RAD51D: variants seen among roughly 807,000 people sequenced by gnomAD.
RAD51D encodes DNA repair protein RAD51 homolog 4.
RAD51D carries 38 observed loss-of-function variants against 44.1 expected under a neutral mutation model. The observed-to-expected ratio is 0.86, with a 90% confidence interval of 0.67 to 1.13. RAD51D has a LOEUF of 1.13. RAD51D is among the 50% of genes most tolerant of loss of function. The pLI is 0.00. For missense variants in RAD51D, 390 were observed against 414.0 expected (o/e 0.94, Z 0.50); for synonymous variants, 141 against 166.6 (o/e 0.85, Z 1.18).
chr17:35,101,226 G>A lies in RAD51D; in HGVS notation c.878C>T (p.Ala293Val), dbSNP rs769732230. 3.0e-5 allele frequency: 49 copies of A among 1,614,014 alleles called. No individual in the cohort carries two copies. Among genetic ancestry groups the A allele is most frequent in the East Asian group, 6.7e-5 (3 of 44,874 alleles). The change falls in exon 9 of 10, where the codon GCG (alanine) becomes GTG (valine). Residue 293 changes from alanine to valine, a missense_variant. Ala to Val is a moderately conservative substitution (Grantham distance 64). Transcript: ENST00000345365. ...CTGTCGGGAAGATTTGGCCAGACAC[G>A]CCATGCGCCGGCCGCCTGATGCTCC... ...GAGASGGRRM[A>V]CLAKSSRQPT...
chr17:35,106,838 C>G, intron 5 of RAD51D, 150 bp downstream of exon 5: 1 of 1,183,502 alleles, frequency 8.4e-7, no homozygotes, highest in South Asian at 1.3e-5. Flanking sequence ...ATGGCATCAA[C>G]AGGGGTGGCT....
chr17:35,107,073 A>T lies in RAD51D; in HGVS notation c.395T>A (p.Val132Asp), dbSNP rs1555568342. Residue 132 changes from valine to aspartate, a missense_variant, in exon 5 of 10, where the codon GTC becomes GAC. Coordinates refer to ENST00000345365, the MANE Select transcript of RAD51D (RefSeq NM_002878.4). ...CCCTCCATTGGAATCTACATATAGG[A>T]CGTTTTGCTGCAGGCCATGGGCCAC... Reference protein sequence around the residue: ...ANVAHGLQQNVLYVDSNGGLT... With the variant: ...ANVAHGLQQNDLYVDSNGGLT... 1.9e-6 allele frequency: 3 copies of T among 1,614,028 alleles called. No individual in the cohort carries two copies. The highest frequency in any genetic ancestry group is 2.5e-6 in the Non-Finnish European group (3 of 1,179,998).
At position 35,103,360 on chromosome 17, in the gene RAD51D, G is replaced by A. The variant is rs762967921; in HGVS notation, c.668-36C>T. ...AGGAGAAGCAGAGAGGGAGGGCAGTGGGGAACCAGGGATGGGGCTGGCCAG... is the reference window on the plus strand; with the variant it reads ...AGGAGAAGCAGAGAGGGAGGGCAGTAGGGAACCAGGGATGGGGCTGGCCAG... On this transcript the variant is annotated intron_variant, in intron 7 of 9. Transcript: ENST00000345365. The surrounding 1 kb of genome is among the most constrained non-coding windows in gnomAD (Gnocchi z 4.1). The A allele has an allele frequency of 3.6e-5, 58 of 1,611,306 alleles. No homozygotes were observed. Among genetic ancestry groups the A allele is most frequent in the Middle Eastern group, 1.6e-4 (1 of 6,076 alleles).
At position 35,101,049 on chromosome 17, in the gene RAD51D, G is replaced by T. The variant is rs964696175; in HGVS notation, c.904-13C>A. On this transcript the variant is annotated splice_polypyrimidine_tract_variant and intron_variant, in intron 9 of 9. Transcript: ENST00000345365. ...GGAAACCTGTTGGCTGGAAGAAGAA[G>T]TAAGGAGTCAGTGGAGTTAAGCAAC... The T allele has an allele frequency of 4.3e-6, 7 of 1,611,774 alleles. No homozygotes were observed. The African/African-American group carries it at 8.0e-5, about 18-fold the overall frequency.
chr17:35,097,540 T>G lies in RAD51D; in HGVS notation c.*3413A>C, dbSNP rs1316722788. 1 of 151,428 alleles carries G rather than the reference T, an allele frequency of 6.6e-6. No homozygotes were observed. The highest frequency in any genetic ancestry group is 1.5e-5 in the Non-Finnish European group (1 of 67,886). The allele number at this position is 151,428 out of a possible 1,614,324, so 9.4% of individuals were successfully genotyped here. A position where few individuals can be genotyped will look rare whatever the true frequency, so the allele number is the denominator to read the frequency against. The stretch of plus-strand genomic sequence containing the variant: ...GTGTATATATATATATATATGTATA[T>G]GTATATGTATATTTTTTTCCTAAGA... On this transcript the variant is annotated 3_prime_UTR_variant, in exon 10 of 10. Coordinates refer to ENST00000345365, the MANE Select transcript of RAD51D (RefSeq NM_002878.4).
In RAD51D at chr17:35,103,037, G is replaced by T. The variant is rs1034341910; in HGVS notation, c.738+217C>A. Among the ~76,000 whole-genome samples, 10 of 152,016 alleles carry T rather than the reference G, an allele frequency of 6.6e-5. No individual in the cohort carries two copies. Among genetic ancestry groups the T allele is most frequent in the African/African-American group, 2.4e-4 (10 of 41,368 alleles). On this transcript the variant is annotated intron_variant, in intron 8 of 9. Coordinates refer to ENST00000345365, the MANE Select transcript of RAD51D (RefSeq NM_002878.4). The surrounding 1 kb of genome is among the most constrained non-coding windows in gnomAD (Gnocchi z 4.1). ...ATACCTCAATAAACCTGACTAAAAA[G>T]AAAAAATGTAGAAACAAAACAAAAC...
rs1188413831 is a variant in RAD51D at position 35,103,388 on chromosome 17, A to G, written c.668-64T>C. On this transcript the variant is annotated intron_variant, in intron 7 of 9. Coordinates refer to ENST00000345365, the MANE Select transcript of RAD51D (RefSeq NM_002878.4). The surrounding 1 kb of genome is among the most constrained non-coding windows in gnomAD (Gnocchi z 4.1). ...GAACCAGGGATGGGGCTGGCCAGAG[A>G]CCAGACTCCAGAGCTGGGAGGCGAG... 2 of 1,608,430 alleles carry G rather than the reference A, an allele frequency of 1.2e-6. No homozygotes were observed. Among genetic ancestry groups the G allele is most frequent in the African/African-American group, 2.7e-5 (2 of 74,724 alleles).
Position 35,099,552 on chromosome 17 carries a change from C to T in RAD51D, c.*1401G>A, listed in dbSNP as rs1230233841. ...AAGCAAGCGCTAGGATTCCCCCAGG[C>T]TTAGGCTTACCAACCCTGTCCTGAA... On this transcript the variant is annotated 3_prime_UTR_variant, in exon 10 of 10. Transcript: ENST00000345365. The T allele has an allele frequency of 6.5e-6, 2 of 308,554 alleles. No homozygotes were observed. The highest frequency in any genetic ancestry group is 1.5e-4 in the East Asian group (2 of 13,428). 19.1% of individuals were successfully genotyped at this position (308,554 alleles called of 1,614,324 possible). A position where few individuals can be genotyped will look rare whatever the true frequency, so the allele number is the denominator to read the frequency against.
At chr17:35,111,363 A>G (rs927288473) in intron 3 of RAD51D, among the ~76,000 whole-genome samples, 1 of 151,900 alleles carries the variant, frequency 6.6e-6, no homozygotes, top group African/African-American at 2.4e-5. Context: ...TCAAAAAAAA[A>G]AAAAAGAGAG....
chr17:35,111,559 C>T (rs2091677027), intron 3 of RAD51D, among the ~76,000 whole-genome samples: 1 of 150,298 alleles, frequency 6.7e-6, no homozygotes, highest in South Asian at 2.1e-4. Context: ...GAGCAAGACT[C>T]TGTCTCAAAA....
chr17:35,102,313 G>A (rs895630042), intron 8 of RAD51D, among the ~76,000 whole-genome samples: 3 of 151,862 alleles, frequency 2.0e-5, no homozygotes, highest in Admixed American at 1.3e-4. Flanking sequence ...CCTAGTTTTT[G>A]TATTTTTTGT....
chr17:35,099,887 A>G lies in RAD51D; in HGVS notation c.*1066T>C, dbSNP rs2091514358. On this transcript the variant is annotated 3_prime_UTR_variant, in exon 10 of 10. Transcript: ENST00000345365. The stretch of plus-strand genomic sequence containing the variant: ...CAGACGGATGGCCACAGTGCTGGTG[A>G]AAGACAGAGGGATTATTTCATACAC... 3.9e-6 allele frequency: 2 copies of G among 517,592 alleles called. No individual in the cohort carries two copies. Among genetic ancestry groups the G allele is most frequent in the African/African-American group, 3.8e-5 (2 of 52,904 alleles). 32.1% of individuals were successfully genotyped at this position (517,592 alleles called of 1,614,324 possible).
rs1208695895 is a variant in RAD51D at position 35,118,493 on chromosome 17, A to G, written c.263+8T>C. ...CTCTCTCCTTCTTCCCCAAGTACAC[A>G]CACAAACCTGCCAATGCCAGTGGAC... On this transcript the variant is annotated splice_region_variant and intron_variant, in intron 3 of 9. Coordinates refer to ENST00000345365, the MANE Select transcript of RAD51D (RefSeq NM_002878.4). 6.2e-7 allele frequency: 1 copy of G among 1,611,684 alleles called. No individual in the cohort carries two copies. Among genetic ancestry groups the G allele is most frequent in the Non-Finnish European group, 8.5e-7 (1 of 1,178,046 alleles).
chr17:35,107,216 T>C (rs902133857), intron 4 of RAD51D, 94 bp from the exon 5 acceptor site: 3 of 1,531,104 alleles, frequency 2.0e-6, no homozygotes, highest in Admixed American at 1.7e-5. Context: ...GCAACACAAA[T>C]GGGCTGAGTC....
chr17:35,115,956 G>A (rs200986893), intron 3 of RAD51D, among the ~76,000 whole-genome samples: 4 of 65,274 alleles, frequency 6.1e-5, no homozygotes, highest in South Asian at 6.7e-4. Flanking sequence ...AAGGAAGAAA[G>A]GAAAGAAAGA....
chr17:35,099,274 C>T lies in RAD51D; in HGVS notation c.*1679G>A, dbSNP rs1279910685. ...ACTCCACCTTGAATACCAACTCCAA[C>T]TGACTGGTAGTGGCCCCCTGGAGTG... is the stretch of plus-strand genomic sequence containing the variant. On this transcript the variant is annotated 3_prime_UTR_variant, in exon 10 of 10. Coordinates refer to ENST00000345365, the MANE Select transcript of RAD51D (RefSeq NM_002878.4). 6.2e-6 allele frequency: 1 copy of T among 161,442 alleles called. No individual in the cohort carries two copies. Among genetic ancestry groups the T allele is most frequent in the African/African-American group, 2.4e-5 (1 of 41,470 alleles). 10.0% of individuals were successfully genotyped at this position (161,442 alleles called of 1,614,324 possible).
chr17:35,107,497 G>A lies in RAD51D; in HGVS notation c.264-50C>T, dbSNP rs556011877. The A allele has an allele frequency of 7.9e-6, 11 of 1,390,190 alleles. No individual in the cohort carries two copies. Among genetic ancestry groups the A allele is most frequent in the East Asian group, 4.6e-5 (2 of 43,832 alleles). 86.1% of individuals were successfully genotyped at this position (1,390,190 alleles called of 1,614,324 possible). On this transcript the variant is annotated intron_variant, in intron 3 of 9. Transcript: ENST00000345365. Reference sequence around the variant, plus strand: ...AACACAAGAGGTTAGGAGGAAGACAGGGGAAAAGGTACCAAGAAGAAAAGT... The same window carrying A: ...AACACAAGAGGTTAGGAGGAAGACAAGGGAAAAGGTACCAAGAAGAAAAGT...
chr17:35,103,494 A>G lies in RAD51D; in HGVS notation c.627T>C (p.Thr209=), dbSNP rs141545966. 4.3e-6 allele frequency: 7 copies of G among 1,614,088 alleles called. No individual in the cohort carries two copies. Among genetic ancestry groups the G allele is most frequent in the African/African-American group, 1.3e-5 (1 of 74,930 alleles). Residue 209 remains threonine, a synonymous_variant, in exon 7 of 10, where the codon ACT becomes ACC. Transcript: ENST00000345365. This position sits in a 1 kb window ranked among gnomAD's most constrained non-coding sequence, Gnocchi z 4.1. ...TVKVVVVDSV[T]AVVSPLLGGQ... is the part of the protein sequence containing the mutation. The stretch of plus-strand genomic sequence containing the variant: ...CTCCCAGAAGTGGGGAAACCACCGC[A>G]GTGACCGAGTCCACAACCACCACCT...
In RAD51D at chr17:35,092,669, C is replaced by T. The variant is rs1325351948; in HGVS notation, c.*8284G>A. 1 of 152,176 alleles carries T rather than the reference C, an allele frequency of 6.6e-6. No homozygotes were observed. The highest frequency in any genetic ancestry group is 2.4e-5 in the African/African-American group (1 of 41,438). The allele number at this position is 152,176 out of a possible 1,614,324, so 9.4% of individuals were successfully genotyped here. A position where few individuals can be genotyped will look rare whatever the true frequency, so the allele number is the denominator to read the frequency against. On this transcript the variant is annotated 3_prime_UTR_variant, in exon 10 of 10. Coordinates refer to ENST00000345365, the MANE Select transcript of RAD51D (RefSeq NM_002878.4). ...CATTCCATTTCACCAGCACCCCTAC[C>T]AACCTCTCTGGATCTAATAGCTTCT...
Sources: gnomAD v4.1 joint callset for allele counts (sites outside exome capture counted in the v4.1 genomes callset) on GRCh38, gnomAD v4.1.1 for gene constraint, Gnocchi (gnomAD v3.1) non-coding constraint, MANE v1.5 for transcripts, NCBI Gene and HGNC (gene_info 2026-07-23, HGNC 2026-07-21) for gene names.